The following DCLK1 variants were observed in gnomAD, a reference collection of about 807,000 sequenced individuals.
DCLK1 encodes serine/threonine-protein kinase DCLK1.
DCLK1 carries 16 observed loss-of-function variants against 86.2 expected under a neutral mutation model. The observed-to-expected ratio is 0.19, with a 90% CI of 0.13 to 0.28. The LOEUF is 0.28. Among genes scored for constraint, DCLK1 ranks in the 10% least tolerant of loss-of-function variants. The pLI is 1.00. For synonymous variants in DCLK1, 369 were observed against 370.5 expected, an observed-to-expected ratio of 1.00 and a Z score of 0.05; for missense variants, 590 against 940.2, an observed-to-expected ratio of 0.63 and a Z score of 4.87.
intron 3 of DCLK1, among the ~76,000 whole-genome samples, chr13:36,094,353 C>A (rs1478242099): frequency 6.6e-6 from 1 of 152,136 alleles, no homozygotes; most frequent in Non-Finnish European, 1.5e-5. Context: ...TCCTTGTTCA[C>A]CTCCTATATT....
chr13:36,114,080 C>A (rs762149944), intron 2 of DCLK1, among the ~76,000 whole-genome samples: 1 of 151,942 alleles, frequency 6.6e-6, no homozygotes, highest in Non-Finnish European at 1.5e-5. Flanking sequence ...AAAAGCAAAA[C>A]AAAGATACAG....
At chr13:35,952,236 T>C (rs1169019870) in intron 3 of DCLK1, among the ~76,000 whole-genome samples, 1 of 152,242 alleles carries the variant, frequency 6.6e-6, no homozygotes, top group Non-Finnish European at 1.5e-5. Flanking sequence ...CTAAGTTTTA[T>C]ACCAACATGC....
chr13:35,854,992 C>A lies in DCLK1; in HGVS notation c.941-399G>T, dbSNP rs373764613. 1.0e-3 allele frequency among the ~76,000 whole-genome samples: 157 copies of A among 152,272 alleles called. 1 individual carries two copies. The South Asian group carries it at 0.02, about 20-fold the overall frequency. On this transcript the variant is annotated intron_variant, in intron 5 of 16. Coordinates refer to ENST00000360631, the MANE Select transcript of DCLK1 (RefSeq NM_001330071.2). ...CAGGAATAAATATAAGCACAGATCA[C>A]CAGTGACATTCCAGTGACCTGATAA...
At chr13:36,087,803 C>T (rs1002684129) in intron 3 of DCLK1, among the ~76,000 whole-genome samples, 11 of 152,118 alleles carry the variant, frequency 7.2e-5, no homozygotes, top group African/African-American at 2.7e-4. Context: ...GCTGTGGATA[C>T]ACTATTCTCC....
chr13:35,890,079 T>C (rs1317919847), intron 4 of DCLK1, among the ~76,000 whole-genome samples: 1 of 152,174 alleles, frequency 6.6e-6, no homozygotes, highest in Non-Finnish European at 1.5e-5. Context: ...AATATATGTG[T>C]TGTTTTTTAA....
chr13:35,841,479 C>T (rs1281079726), intron 6 of DCLK1, among the ~76,000 whole-genome samples: 3 of 151,400 alleles, frequency 2.0e-5, no homozygotes, highest in Non-Finnish European at 4.4e-5. Context: ...GTTTTCTCTG[C>T]TTTCTGAACA....
At chr13:35,830,524 G>A (rs1868870136) in intron 8 of DCLK1, among the ~76,000 whole-genome samples, 1 of 152,178 alleles carries the variant, frequency 6.6e-6, no homozygotes, top group Non-Finnish European at 1.5e-5. Context: ...CTCCTGTAGA[G>A]TTTGTCTACA....
intron 5 of DCLK1, among the ~76,000 whole-genome samples, chr13:35,868,284 G>C (rs997611323): frequency 6.6e-6 from 1 of 152,112 alleles, no homozygotes; most frequent in South Asian, 2.1e-4. Context: ...GCCTCCCAAA[G>C]TGCTGGGATT....
intron 11 of DCLK1, 83 bp downstream of exon 11, chr13:35,822,646 A>G: frequency 6.3e-7 from 1 of 1,583,380 alleles, no homozygotes; most frequent in African/African-American, 1.4e-5. Context: ...TTTTAAAAAA[A>G]GAAAGAAAAG....
chr13:36,023,659 G>GA (rs1161502927), intron 3 of DCLK1, among the ~76,000 whole-genome samples: 3 of 151,792 alleles, frequency 2.0e-5, no homozygotes, highest in East Asian at 1.9e-4. Flanking sequence ...GATAAAAAAG[G>GA]AAAAAAACCC....
At chr13:35,824,257 G>A (rs528987571) in intron 10 of DCLK1, among the ~76,000 whole-genome samples, 1 of 152,280 alleles carries the variant, frequency 6.6e-6, no homozygotes, top group South Asian at 2.1e-4. Flanking sequence ...GCTCACTGCA[G>A]CCTCAGACTC....
intron 3 of DCLK1, among the ~76,000 whole-genome samples, chr13:36,073,586 A>G (rs947257128): frequency 6.6e-6 from 1 of 152,208 alleles, no homozygotes; most frequent in African/African-American, 2.4e-5. Flanking sequence ...CAATGCTATC[A>G]CCCAAAACAA....
intron 3 of DCLK1, among the ~76,000 whole-genome samples, chr13:35,966,536 G>T (rs140633784): frequency 1.0e-5 from 1 of 96,840 alleles, no homozygotes; most frequent in Non-Finnish European, 1.9e-5. Context: ...CTCTTTGCAC[G>T]GTCTCCCTCT....
At chr13:35,848,980 C>T in intron 6 of DCLK1, 1 of 985,288 alleles carries the variant, frequency 1.0e-6, no homozygotes, top group South Asian at 4.7e-5. Flanking sequence ...GTTTTAAAAC[C>T]TGAAGTCTGG....
At chr13:36,035,545 A>G (rs552190537) in intron 3 of DCLK1, among the ~76,000 whole-genome samples, 2 of 152,022 alleles carry the variant, frequency 1.3e-5, no homozygotes, top group East Asian at 3.9e-4. Flanking sequence ...TGCTTATGTA[A>G]TTTTTCTTTT....
intron 2 of DCLK1, among the ~76,000 whole-genome samples, chr13:36,118,495 G>T (rs757424187): frequency 2.6e-5 from 4 of 152,042 alleles, no homozygotes; most frequent in Non-Finnish European, 5.9e-5. Context: ...CAATTAGAAG[G>T]GGAACAGGTT....
At chr13:35,932,413 T>C (rs1253492840) in intron 4 of DCLK1, among the ~76,000 whole-genome samples, 2 of 152,202 alleles carry the variant, frequency 1.3e-5, no homozygotes, top group Non-Finnish European at 2.9e-5. Flanking sequence ...ATCTTTCGTC[T>C]ATTTCTGTGT....
At chr13:35,780,282 A>G (rs2086503373) in intron 16 of DCLK1, among the ~76,000 whole-genome samples, 1 of 152,188 alleles carries the variant, frequency 6.6e-6, no homozygotes, top group Non-Finnish European at 1.5e-5. Context: ...AAGAGTTCCT[A>G]ACAGATTTAT....
chr13:35,776,322 G>A (rs902624438), intron 16 of DCLK1, among the ~76,000 whole-genome samples: 66 of 152,062 alleles, frequency 4.3e-4, no homozygotes, highest in African/African-American at 1.2e-3. Context: ...AAAAACAGAC[G>A]TCTATTTAGT....
Sources: allele counts gnomAD v4.1 joint callset (sites outside exome capture counted in the v4.1 genomes callset), GRCh38; gene constraint gnomAD v4.1.1; transcripts MANE v1.5; gene names NCBI Gene and HGNC (gene_info 2026-07-23, HGNC 2026-07-21).